Variants in SNTG1 observed in about 807,000 individuals in gnomAD.
The protein encoded by SNTG1 is syntrophin gamma 1, also known as gamma-1-syntrophin.
In SNTG1, 39 loss-of-function variants were observed where a neutral mutation model predicts 74.7. The ratio of observed to expected loss-of-function variants is 0.52; its 90% CI spans 0.40 to 0.68. The LOEUF is 0.68. Among genes scored for constraint, SNTG1 ranks in the 30% least tolerant of loss-of-function variants. The pLI is 0.00. For missense variants in SNTG1, 685 were observed against 609.5 expected, an observed-to-expected ratio of 1.12 and a Z score of -1.30; for synonymous variants, 254 against 217.1, an observed-to-expected ratio of 1.17 and a Z score of -1.49.
intron 1 of SNTG1, among the ~76,000 whole-genome samples, chr8:50,048,974 G>T (rs528339850): frequency 1.3e-5 from 2 of 151,830 alleles, no homozygotes; most frequent in Admixed American, 1.3e-4. Flanking sequence ...AATAAATAGT[G>T]CATCAATATT....
rs561803601 is a variant in SNTG1 at position 50,399,452 on chromosome 8, C to T, written c.28-2758C>T. ...GCTTTGTTTTAGCTCCTCAAACTTTCCCTGGATGATCTTTAGTATCTCTTT... is the reference window on the plus strand; with the variant it reads ...GCTTTGTTTTAGCTCCTCAAACTTTTCCTGGATGATCTTTAGTATCTCTTT... On this transcript the variant is annotated intron_variant, in intron 3 of 18. Coordinates refer to ENST00000642720, the MANE Select transcript of SNTG1 (RefSeq NM_018967.5). Among the ~76,000 whole-genome samples the T allele has an allele frequency of 2.6e-5, 4 of 152,244 alleles. No individual in the cohort carries two copies. The South Asian group carries it at 8.3e-4, about 32-fold the overall frequency.
intron 13 of SNTG1, among the ~76,000 whole-genome samples, chr8:50,592,852 T>A (rs991050960): frequency 2.0e-5 from 3 of 152,182 alleles, no homozygotes; most frequent in Non-Finnish European, 4.4e-5. Context: ...GTTAATAGAC[T>A]TTTTTCCTTA....
At chr8:50,340,835 A>G (rs2091294814) in intron 2 of SNTG1, among the ~76,000 whole-genome samples, 2 of 151,958 alleles carry the variant, frequency 1.3e-5, no homozygotes, top group African/African-American at 2.4e-5. Context: ...TTTTGTCTGT[A>G]CATTATCTCT....
intron 1 of SNTG1, among the ~76,000 whole-genome samples, chr8:50,144,698 G>A (rs748615588): frequency 5.9e-5 from 9 of 152,194 alleles, no homozygotes; most frequent in Admixed American, 2.6e-4. Context: ...AGAATGAGTG[G>A]CAGGCGACTG....
intron 2 of SNTG1, among the ~76,000 whole-genome samples, chr8:50,297,267 A>G (rs2089429723): frequency 6.6e-6 from 1 of 152,148 alleles, no homozygotes; most frequent in African/African-American, 2.4e-5. Flanking sequence ...GATTTTTCTT[A>G]TACATGCATG....
At chr8:50,687,587 A>G (rs1192682082) in intron 15 of SNTG1, among the ~76,000 whole-genome samples, 1 of 151,338 alleles carries the variant, frequency 6.6e-6, no homozygotes, top group African/African-American at 2.5e-5. Context: ...TTTTATTATT[A>G]TAATTTAAGT....
At chr8:50,184,418 C>T (rs1288859161) in intron 2 of SNTG1, among the ~76,000 whole-genome samples, 1 of 152,096 alleles carries the variant, frequency 6.6e-6, no homozygotes, top group Non-Finnish European at 1.5e-5. Context: ...CCTCCCTTGG[C>T]CTCCCAAAGT....
chr8:50,778,692 A>G, intron 18 of SNTG1, among the ~76,000 whole-genome samples: 1 of 143,374 alleles, frequency 7.0e-6, no homozygotes, highest in African/African-American at 3.0e-5. Context: ...TGCTGTGCAG[A>G]AGCTCTTTAG....
intron 4 of SNTG1, among the ~76,000 whole-genome samples, chr8:50,412,701 G>A (rs753543497): frequency 5.3e-5 from 8 of 152,134 alleles, no homozygotes; most frequent in Non-Finnish European, 8.8e-5. Context: ...AGAATTTTGC[G>A]GGATATATGT....
chr8:50,599,345 G>A (rs1157811923), intron 13 of SNTG1, among the ~76,000 whole-genome samples: 2 of 151,972 alleles, frequency 1.3e-5, no homozygotes, highest in South Asian at 4.2e-4. Context: ...GTTTATTCTG[G>A]ATATTTTGTG....
intron 4 of SNTG1, among the ~76,000 whole-genome samples, chr8:50,414,770 T>A (rs1587535613): frequency 6.6e-6 from 1 of 152,188 alleles, no homozygotes; most frequent in East Asian, 1.9e-4. Context: ...TGGGTGTGTT[T>A]GTGGAAAAGC....
chr8:50,632,983 A>G (rs1049075166), intron 13 of SNTG1, among the ~76,000 whole-genome samples: 3 of 152,200 alleles, frequency 2.0e-5, no homozygotes, highest in Admixed American at 6.5e-5. Context: ...GGCCTATAAC[A>G]ATTTGTCAGT....
At chr8:50,633,074 A>G (rs1171318524) in intron 13 of SNTG1, among the ~76,000 whole-genome samples, 1 of 152,214 alleles carries the variant, frequency 6.6e-6, no homozygotes, top group Non-Finnish European at 1.5e-5. Context: ...TGGATTTGAG[A>G]GCATTCATGG....
intron 2 of SNTG1, among the ~76,000 whole-genome samples, chr8:50,336,983 G>A (rs1429050723): frequency 6.6e-6 from 1 of 152,182 alleles, no homozygotes; most frequent in African/African-American, 2.4e-5. Context: ...TTATGTGTCA[G>A]ACATTATAAT....
At chr8:50,519,759 C>A (rs2130131292) in intron 9 of SNTG1, among the ~76,000 whole-genome samples, 1 of 152,120 alleles carries the variant, frequency 6.6e-6, no homozygotes, top group Admixed American at 6.5e-5. Context: ...AAGTGAAGGA[C>A]CTCTTCAAGG....
At chr8:49,937,427 T>C (rs1808190026) in intron 1 of SNTG1, among the ~76,000 whole-genome samples, 1 of 152,192 alleles carries the variant, frequency 6.6e-6, no homozygotes, top group Non-Finnish European at 1.5e-5. Flanking sequence ...TTTAAATATG[T>C]GCAGTTTGTT....
chr8:50,728,135 T>C (rs2131611528), intron 17 of SNTG1, among the ~76,000 whole-genome samples: 1 of 152,298 alleles, frequency 6.6e-6, no homozygotes, highest in African/African-American at 2.4e-5. Context: ...TCTACCTACC[T>C]GCCAGGGACA....
chr8:50,210,297 A>G (rs2084454944), intron 2 of SNTG1, among the ~76,000 whole-genome samples: 1 of 152,200 alleles, frequency 6.6e-6, no homozygotes, highest in South Asian at 2.1e-4. Flanking sequence ...AAGTTGGAAA[A>G]CACTCTTCAG....
At chr8:50,556,256 C>T (rs185809278) in intron 12 of SNTG1, among the ~76,000 whole-genome samples, 77 of 152,212 alleles carry the variant, frequency 5.1e-4, no homozygotes, top group African/African-American at 1.6e-3. Context: ...TGTATTGGCA[C>T]AGCTTTCAAC....
Sources: allele counts gnomAD v4.1 joint callset (sites outside exome capture counted in the v4.1 genomes callset), GRCh38; gene constraint gnomAD v4.1.1; transcripts MANE v1.5; gene names NCBI Gene and HGNC (gene_info 2026-07-23, HGNC 2026-07-21).